ZSWIM6: variants seen among roughly 807,000 people sequenced by gnomAD.
ZSWIM6 encodes zinc finger SWIM-type containing 6.
A neutral mutation model predicts 113.2 loss-of-function variants in ZSWIM6; 9 were observed. That is an observed-to-expected ratio of 0.08 (90% CI 0.05 to 0.14). The LOEUF (loss-of-function observed/expected upper bound fraction) is 0.14. ZSWIM6 is among the 10% of genes least tolerant of loss of function. The pLI is 1.00. For synonymous variants in ZSWIM6, 611 were observed against 606.5 expected, an observed-to-expected ratio of 1.01 and a Z score of -0.11; for missense variants, 1,162 against 1,552.2, an observed-to-expected ratio of 0.75 and a Z score of 4.22.
Position 61,543,528 on chromosome 5 carries a change from T to C in ZSWIM6, c.2859T>C (p.Val953=). 6.4e-7 allele frequency: 1 copy of C among 1,551,016 alleles called. No individual in the cohort carries two copies. Among genetic ancestry groups the C allele is most frequent in the South Asian group, 1.2e-5 (1 of 83,998 alleles). Reference sequence around the variant, plus strand: ...CTCCCACCGAGGCCACAAGTATAGTTGCAACTACCGTGATGTCCAACAGCA... The same window carrying C: ...CTCCCACCGAGGCCACAAGTATAGTCGCAACTACCGTGATGTCCAACAGCA... ...LFTPTEATSI[V]ATTVMSNSTI... is the part of the protein sequence containing the mutation. The change falls in exon 14 of 14, where the codon GTT becomes GTC. Residue 953 remains valine, a synonymous_variant. Coordinates refer to ENST00000252744, the MANE Select transcript of ZSWIM6 (RefSeq NM_020928.2). This position sits in a 1 kb window ranked among gnomAD's most constrained non-coding sequence, Gnocchi z 4.3.
intron 1 of ZSWIM6, among the ~76,000 whole-genome samples, chr5:61,364,289 T>C (rs1745107753): frequency 6.6e-6 from 1 of 152,120 alleles, no homozygotes; most frequent in African/African-American, 2.4e-5. Flanking sequence ...AAAATTGTAG[T>C]TGGTAGGTTT....
chr5:61,357,260 G>T (rs766988745), intron 1 of ZSWIM6, among the ~76,000 whole-genome samples: 53 of 152,134 alleles, frequency 3.5e-4, no homozygotes, highest in Admixed American at 8.5e-4. Context: ...GGTTATTCAG[G>T]TTATGCAGCT....
At chr5:61,442,963 A>C (rs1746871510) in intron 1 of ZSWIM6, among the ~76,000 whole-genome samples, 1 of 152,216 alleles carries the variant, frequency 6.6e-6, no homozygotes, top group Non-Finnish European at 1.5e-5. Flanking sequence ...AAATTATTTC[A>C]GTCTTCCATT....
intron 1 of ZSWIM6, among the ~76,000 whole-genome samples, chr5:61,374,646 C>A (rs532740640): frequency 1.3e-5 from 2 of 152,276 alleles, no homozygotes; most frequent in East Asian, 3.9e-4. Context: ...CTCCGCCTCC[C>A]GGGTTCACGC....
At chr5:61,361,862 G>A (rs1347524384) in intron 1 of ZSWIM6, among the ~76,000 whole-genome samples, 3 of 152,184 alleles carry the variant, frequency 2.0e-5, no homozygotes, top group African/African-American at 7.2e-5. Flanking sequence ...CAAGAAGATC[G>A]TGGAAAATAT....
intron 1 of ZSWIM6, among the ~76,000 whole-genome samples, chr5:61,344,413 G>C (rs1008400673): frequency 1.3e-5 from 2 of 152,206 alleles, no homozygotes; most frequent in African/African-American, 4.8e-5. Flanking sequence ...AGTGAGACTT[G>C]AGGGCAGCAG....
chr5:61,394,175 A>T (rs1012245303), intron 1 of ZSWIM6, among the ~76,000 whole-genome samples: 1 of 152,246 alleles, frequency 6.6e-6, no homozygotes, highest in Non-Finnish European at 1.5e-5. Context: ...AGCTCTTATG[A>T]TTAAAAGAAA....
chr5:61,465,767 C>A (rs2112174342), intron 1 of ZSWIM6, among the ~76,000 whole-genome samples: 1 of 152,262 alleles, frequency 6.6e-6, no homozygotes, highest in East Asian at 1.9e-4. Context: ...TTGTTTTTCT[C>A]TCAAATATTA....
At chr5:61,405,116 C>A (rs1746019044) in intron 1 of ZSWIM6, among the ~76,000 whole-genome samples, 1 of 152,150 alleles carries the variant, frequency 6.6e-6, no homozygotes, top group South Asian at 2.1e-4. Context: ...TGTAATTATC[C>A]TGTTGTAGAG....
In ZSWIM6 at chr5:61,538,713, G is replaced by C. The variant is rs532386030; in HGVS notation, c.2382-101G>C. 214 of 1,344,762 alleles carry C rather than the reference G, an allele frequency of 1.6e-4. No homozygotes were observed. The African/African-American group carries it at 3.0e-3, about 19-fold the overall frequency. The allele number at this position is 1,344,762 out of a possible 1,614,324, so 83.3% of individuals were successfully genotyped here. The stretch of plus-strand genomic sequence containing the variant: ...CCTTGCTGAACTTGAGTAGAGGCCT[G>C]AACATCTACCCACTCCTCTGGCTTC... On this transcript the variant is annotated intron_variant, in intron 10 of 13. Transcript: ENST00000252744.
At chr5:61,430,145 G>A (rs1436919981) in intron 1 of ZSWIM6, among the ~76,000 whole-genome samples, 1 of 152,234 alleles carries the variant, frequency 6.6e-6, no homozygotes, top group African/African-American at 2.4e-5. Context: ...ACCATGGGAT[G>A]TTTGGAATGG....
chr5:61,544,131 C>T lies in ZSWIM6; in HGVS notation c.3462C>T (p.His1154=). 6.4e-7 allele frequency: 1 copy of T among 1,551,814 alleles called. No homozygotes were observed. Among genetic ancestry groups the T allele is most frequent in the South Asian group, 1.2e-5 (1 of 84,062 alleles). ...TCGGGGCCTACATCAACACAACGCACTCACGGCTCACACACATCAGTCCTC... is the reference window on the plus strand; with the variant it reads ...TCGGGGCCTACATCAACACAACGCATTCACGGCTCACACACATCAGTCCTC... ...ATIGAYINTT[H]SRLTHISPRH... is the part of the protein sequence containing the mutation. Residue 1154 remains histidine, a synonymous_variant, in exon 14 of 14, where the codon CAC becomes CAT. Coordinates refer to ENST00000252744, the MANE Select transcript of ZSWIM6 (RefSeq NM_020928.2).
At chr5:61,357,005 TGTA>T (rs918571439) in intron 1 of ZSWIM6, among the ~76,000 whole-genome samples, 4 of 151,790 alleles carry the variant, frequency 2.6e-5, no homozygotes, top group African/African-American at 7.3e-5. Context: ...TTTTTCAAAA[TGTA>T]GTCTCCGGTT....
chr5:61,422,973 C>A (rs1186862294), intron 1 of ZSWIM6, among the ~76,000 whole-genome samples: 2 of 152,022 alleles, frequency 1.3e-5, no homozygotes, highest in South Asian at 2.1e-4. Context: ...TAGATTTTTC[C>A]AAATATAAGG....
intron 1 of ZSWIM6, among the ~76,000 whole-genome samples, chr5:61,463,826 C>T (rs768838603): frequency 3.1e-4 from 47 of 152,280 alleles, no homozygotes; most frequent in Non-Finnish European, 8.8e-5. Context: ...GGAAGAACCC[C>T]ATGAGTTCTT....
chr5:61,476,772 T>C (rs1747715477), intron 2 of ZSWIM6, among the ~76,000 whole-genome samples: 1 of 152,166 alleles, frequency 6.6e-6, no homozygotes, highest in Non-Finnish European at 1.5e-5. Context: ...ATGCTTCCTA[T>C]TAAAGGAGAC....
rs144033095 is a variant in ZSWIM6, at chr5:61,391,745, G to A, written c.676+58797G>A. On this transcript the variant is annotated intron_variant, in intron 1 of 13. Transcript: ENST00000252744. ...GCCTTGTATCCCAGGAAGGCTGTGA[G>A]GTGGACCAGCTTGGAAGGGTCATCC... is the stretch of plus-strand genomic sequence containing the variant. 1.0e-3 allele frequency: 1,182 copies of A among 1,129,694 alleles called. 8 individuals are homozygous for A. In the African/African-American group the frequency reaches 0.014, roughly 14 times the overall value. The allele number at this position is 1,129,694 out of a possible 1,614,324, so 70.0% of individuals were successfully genotyped here. A position where few individuals can be genotyped will look rare whatever the true frequency, so the allele number is the denominator to read the frequency against.
chr5:61,451,696 A>G (rs934716040), intron 1 of ZSWIM6, among the ~76,000 whole-genome samples: 2 of 152,186 alleles, frequency 1.3e-5, no homozygotes, highest in African/African-American at 4.8e-5. Flanking sequence ...TAATTAGTGA[A>G]GCTTGTTTTA....
chr5:61,484,503 A>G (rs569940500), intron 2 of ZSWIM6, among the ~76,000 whole-genome samples: 5 of 152,238 alleles, frequency 3.3e-5, no homozygotes, highest in Non-Finnish European at 7.3e-5. Context: ...GAATTTAAAA[A>G]TAAAAGTCAA....
Sources: gnomAD v4.1 joint callset for allele counts (sites outside exome capture counted in the v4.1 genomes callset) on GRCh38, gnomAD v4.1.1 for gene constraint, Gnocchi (gnomAD v3.1) non-coding constraint, MANE v1.5 for transcripts, NCBI Gene and HGNC (gene_info 2026-07-23, HGNC 2026-07-21) for gene names.